Variants in ADAM7 observed in about 807,000 individuals in gnomAD.
ADAM7 encodes ADAM metallopeptidase domain 7, also known as disintegrin and metalloproteinase domain-containing protein 7.
Under a neutral mutation model 102.9 loss-of-function variants are expected in ADAM7, and 97 were observed. The observed-to-expected ratio is 0.94, with a 90% confidence interval of 0.80 to 1.12. The LOEUF (loss-of-function observed/expected upper bound fraction) is 1.12. ADAM7 is among the 50% of genes most tolerant of loss of function. ADAM7 has a pLI of 0.00. For missense variants in ADAM7, 991 were observed against 908.7 expected, an observed-to-expected ratio of 1.09 and a Z score of -1.16; for synonymous variants, 334 against 304.4, an observed-to-expected ratio of 1.10 and a Z score of -1.01.
chr8:24,489,358 A>C, intron 12 of ADAM7, 25 bp downstream of exon 12: 2 of 1,585,056 alleles, frequency 1.3e-6, no homozygotes, highest in Non-Finnish European at 1.7e-6. Context: ...AGCTATCTTT[A>C]AATTGCAAAA....
intron 8 of ADAM7, 51 bp downstream of exon 8, chr8:24,476,555 A>T (rs771416007): frequency 6.9e-7 from 1 of 1,440,072 alleles, no homozygotes; most frequent in Non-Finnish European, 9.7e-7. Context: ...AATGCAAAGA[A>T]CCTTTCAGCG....
chr8:24,492,286 G>A, intron 14 of ADAM7, 188 bp downstream of exon 14: 2 of 682,826 alleles, frequency 2.9e-6, no homozygotes, highest in South Asian at 4.2e-5. Context: ...AACTATCTCA[G>A]TATATGAGCT....
chr8:24,498,671 A>G (rs983173332), intron 16 of ADAM7, among the ~76,000 whole-genome samples: 1 of 151,706 alleles, frequency 6.6e-6, no homozygotes, highest in Admixed American at 6.6e-5. Context: ...AATAAAATGT[A>G]AAATAACATT....
chr8:24,473,238 A>G (rs1819664302), intron 7 of ADAM7, among the ~76,000 whole-genome samples: 1 of 152,186 alleles, frequency 6.6e-6, no homozygotes, highest in Non-Finnish European at 1.5e-5. Context: ...TTATAAGTTT[A>G]TTATAACCTT....
intron 1 of ADAM7, 58 bp downstream of exon 1, chr8:24,441,218 T>TAA: frequency 6.6e-7 from 1 of 1,508,560 alleles, no homozygotes; most frequent in Non-Finnish European, 9.2e-7. Flanking sequence ...TGTGTCTCTT[T>TAA]AGTCACAAAC....
Position 24,507,532 on chromosome 8 carries a change from AG to A in ADAM7, c.2262del (p.Lys754AsnfsTer37). 2 of 1,611,200 alleles carry A rather than the reference AG, an allele frequency of 1.2e-6. No homozygotes were observed. The highest frequency in any genetic ancestry group is 1.7e-6 in the Non-Finnish European group (2 of 1,177,400). Reference sequence around the variant, plus strand: ...ATCGCAGATCCCAATCAAAGTGCCAAGTGGTAGGTTACCCTGACAGATAGTA... The same window carrying A: ...ATCGCAGATCCCAATCAAAGTGCCAATGGTAGGTTACCCTGACAGATAGTA... ...RGIADPNQSAK is the reference protein window; with the variant it reads ...RGIADPNQSAX On this transcript the variant is annotated frameshift_variant and splice_region_variant, in exon 21 of 22. Transcript: ENST00000175238. LOFTEE classifies it high-confidence loss of function.
intron 6 of ADAM7, 40 bp from the exon 7 acceptor site, chr8:24,468,727 T>C: frequency 6.4e-7 from 1 of 1,570,492 alleles, no homozygotes; most frequent in Non-Finnish European, 8.8e-7. Flanking sequence ...AGATAGAAAG[T>C]GTTAACTATA....
At chr8:24,459,758 C>T (rs1328333498) in intron 3 of ADAM7, among the ~76,000 whole-genome samples, 2 of 152,154 alleles carry the variant, frequency 1.3e-5, no homozygotes, top group Non-Finnish European at 2.9e-5. Context: ...TCATACCTGA[C>T]CTGATTTTTC....
chr8:24,467,995 G>A (rs963583305), intron 6 of ADAM7, among the ~76,000 whole-genome samples: 1 of 152,128 alleles, frequency 6.6e-6, no homozygotes, highest in African/African-American at 2.4e-5. Context: ...AACCCAGGAG[G>A]TGGAAGGTTG....
At chr8:24,456,737 A>G (rs996381890) in intron 3 of ADAM7, among the ~76,000 whole-genome samples, 6 of 151,780 alleles carry the variant, frequency 4.0e-5, no homozygotes, top group African/African-American at 1.5e-4. Flanking sequence ...TTTAAAATTT[A>G]GCATACTGAT....
chr8:24,499,989 C>T (rs976937248), intron 17 of ADAM7, among the ~76,000 whole-genome samples, 189 bp from the exon 18 acceptor site: 2 of 152,080 alleles, frequency 1.3e-5, no homozygotes, highest in Non-Finnish European at 2.9e-5. Context: ...AAGATGGCTG[C>T]TTCTTGTATT....
At chr8:24,479,292 T>C (rs976919701) in intron 8 of ADAM7, among the ~76,000 whole-genome samples, 2 of 152,120 alleles carry the variant, frequency 1.3e-5, no homozygotes, top group Non-Finnish European at 2.9e-5. Flanking sequence ...TTCCTCTCCA[T>C]TGGTAGGAGA....
chr8:24,483,735 G>A (rs953568229), intron 9 of ADAM7, among the ~76,000 whole-genome samples: 74 of 152,216 alleles, frequency 4.9e-4, no homozygotes, highest in African/African-American at 1.6e-3. Flanking sequence ...GTAAAACATC[G>A]CCATAAACTT....
intron 9 of ADAM7, 44 bp downstream of exon 9, chr8:24,482,355 T>C: frequency 6.5e-7 from 1 of 1,549,988 alleles, no homozygotes; most frequent in Non-Finnish European, 8.7e-7. Flanking sequence ...GGTGGATTAT[T>C]ACAAAAGAAA....
chr8:24,464,746 G>A lies in ADAM7; in HGVS notation c.312+786G>A, dbSNP rs537620992. 6.0e-5 allele frequency among the ~76,000 whole-genome samples: 9 copies of A among 150,658 alleles called. 1 individual carries two copies. Among genetic ancestry groups the A allele is most frequent in the South Asian group, 4.3e-4 (2 of 4,664 alleles). ...CATCCAAGTAGCTGTGACTACAGGC[G>A]CATGCCACCGTGCCCAGCTAATTTT... is the stretch of plus-strand genomic sequence containing the variant. On this transcript the variant is annotated intron_variant, in intron 4 of 21. Transcript: ENST00000175238.
intron 15 of ADAM7, 43 bp downstream of exon 15, chr8:24,492,640 A>T: frequency 6.9e-7 from 1 of 1,449,614 alleles, no homozygotes; most frequent in Non-Finnish European, 9.6e-7. Flanking sequence ...TTCTTACAGC[A>T]CTTTGTCAAA....
At chr8:24,472,079 T>C (rs1366244504) in intron 7 of ADAM7, among the ~76,000 whole-genome samples, 2 of 113,098 alleles carry the variant, frequency 1.8e-5, no homozygotes, top group African/African-American at 6.9e-5. Flanking sequence ...ACCAAAAGGA[T>C]ACAAAATATG....
Position 24,442,483 on chromosome 8 carries a change from C to G in ADAM7, c.63C>G (p.Ile21Met), listed in dbSNP as rs557970754. 16 of 1,613,120 alleles carry G rather than the reference C, an allele frequency of 9.9e-6. No individual in the cohort carries two copies. Among genetic ancestry groups the G allele is most frequent in the Non-Finnish European group, 1.4e-5 (16 of 1,179,274 alleles). Residue 21 changes from isoleucine to methionine, a missense_variant, in exon 2 of 22, where the codon ATC becomes ATG. Coordinates refer to ENST00000175238, the MANE Select transcript of ADAM7 (RefSeq NM_003817.4). ...LLIPQVKEKF[I>M]LGVEGQQLVR... Reference sequence around the variant, plus strand: ...TATGTTTCCTCGTAGAAAAGTTCATCCTTGGAGTAGAGGGTCAACAACTGG... The same window carrying G: ...TATGTTTCCTCGTAGAAAAGTTCATGCTTGGAGTAGAGGGTCAACAACTGG...
intron 20 of ADAM7, among the ~76,000 whole-genome samples, chr8:24,503,183 T>A (rs1167974647): frequency 6.6e-6 from 1 of 152,188 alleles, no homozygotes; most frequent in Non-Finnish European, 1.5e-5. Flanking sequence ...AAAAATTATG[T>A]CTATTCCTGA....
Sources: gnomAD v4.1 joint callset for allele counts (sites outside exome capture counted in the v4.1 genomes callset) on GRCh38, gnomAD v4.1.1 for gene constraint, MANE v1.5 for transcripts, NCBI Gene and HGNC (gene_info 2026-07-23, HGNC 2026-07-21) for gene names.